Variants in TUSC3 observed in about 807,000 individuals in gnomAD.
TUSC3 encodes the protein tumor suppressor candidate 3, also known as dolichyl-diphosphooligosaccharide--protein glycosyltransferase subunit TUSC3.
TUSC3 carries 45 observed loss-of-function variants against 44.8 expected under a neutral mutation model. That is an observed-to-expected ratio of 1.00 (90% CI 0.79 to 1.29). The LOEUF is 1.29. Ranked by LOEUF, TUSC3 falls within the 50% of genes most tolerant of loss-of-function variation. The pLI is 0.00. For missense variants in TUSC3, 519 were observed against 437.9 expected (o/e 1.19, Z -1.65); for synonymous variants, 212 against 152.9 (o/e 1.39, Z -2.85).
intron 2 of TUSC3, among the ~76,000 whole-genome samples, chr8:15,498,336 G>A (rs2129126619): frequency 6.6e-6 from 1 of 152,294 alleles, no homozygotes; most frequent in African/African-American, 2.4e-5. Flanking sequence ...CAGCGATGTA[G>A]GAAGCAAGTG....
In TUSC3 at chr8:15,581,311, C is replaced by G. The variant is rs970498710; in HGVS notation, c.138+40743C>G. ...ATTTGATCGTCTGAAGCCTTCTTCT[C>G]TCAGCTCGTCAAAGTCATTCTCCAT... is the stretch of plus-strand genomic sequence containing the variant. On this transcript the variant is annotated intron_variant, in intron 1 of 10. Coordinates refer to ENST00000503731, the MANE Select transcript of TUSC3 (RefSeq NM_006765.4). Among the ~76,000 whole-genome samples, 141 of 148,920 alleles carry G rather than the reference C, an allele frequency of 9.5e-4. 3 individuals are homozygous for G. Among genetic ancestry groups the G allele is most frequent in the African/African-American group, 3.5e-3 (136 of 39,286 alleles).
intron 1 of TUSC3, among the ~76,000 whole-genome samples, chr8:15,558,864 A>T (rs1392410143): frequency 6.6e-6 from 1 of 150,734 alleles, no homozygotes; most frequent in African/African-American, 2.4e-5. Flanking sequence ...CCCCTTTATC[A>T]TTTTTTATTG....
intron 1 of TUSC3, among the ~76,000 whole-genome samples, chr8:15,472,192 C>T (rs1259177106): frequency 1.3e-5 from 2 of 152,138 alleles, no homozygotes; most frequent in Non-Finnish European, 2.9e-5. Flanking sequence ...AAGTAAAATA[C>T]AAGTCTTAAC....
intron 7 of TUSC3, among the ~76,000 whole-genome samples, chr8:15,737,226 C>T (rs900957640): frequency 6.6e-6 from 1 of 151,944 alleles, no homozygotes; most frequent in Non-Finnish European, 1.5e-5. Context: ...ATTTAGAATT[C>T]TTTAAGTAAG....
chr8:15,527,891 TTTTTAATG>T (rs1189854477), intron 2 of TUSC3, among the ~76,000 whole-genome samples: 1 of 152,236 alleles, frequency 6.6e-6, no homozygotes, highest in African/African-American at 2.4e-5. Context: ...TTATATACAC[TTTTTAATG>T]AGTAAAACAA....
intron 2 of TUSC3, among the ~76,000 whole-genome samples, chr8:15,637,610 T>C (rs1171462014): frequency 6.6e-6 from 1 of 152,210 alleles, no homozygotes; most frequent in African/African-American, 2.4e-5. Flanking sequence ...TTTATTTTTG[T>C]AGTAGCCTTG....
At chr8:15,431,892 T>A (rs1453054492) in intron 1 of TUSC3, among the ~76,000 whole-genome samples, 2 of 59,238 alleles carry the variant, frequency 3.4e-5, no homozygotes, top group Admixed American at 6.6e-4. Context: ...TTTGTTCAAA[T>A]GCCATTTCTG....
At chr8:15,721,228 G>C (rs1473421364) in intron 6 of TUSC3, among the ~76,000 whole-genome samples, 2 of 151,942 alleles carry the variant, frequency 1.3e-5, no homozygotes, top group Non-Finnish European at 2.9e-5. Flanking sequence ...CAATTTATTA[G>C]CAAATCTGGA....
At chr8:15,446,906 AAAAC>A (rs1178735781) in intron 1 of TUSC3, among the ~76,000 whole-genome samples, 2 of 38,452 alleles carry the variant, frequency 5.2e-5, no homozygotes, top group African/African-American at 8.4e-5. Flanking sequence ...AACAGAAAAA[AAAAC>A]AAAGGAGGTA....
intron 2 of TUSC3, among the ~76,000 whole-genome samples, chr8:15,500,584 A>T (rs1485608611): frequency 6.6e-6 from 1 of 152,206 alleles, no homozygotes; most frequent in African/African-American, 2.4e-5. Flanking sequence ...TAGCTTTTAA[A>T]AATATTGAAA....
chr8:15,673,231 C>A (rs570429691), intron 5 of TUSC3, among the ~76,000 whole-genome samples: 2 of 152,156 alleles, frequency 1.3e-5, no homozygotes, highest in Non-Finnish European at 2.9e-5. Flanking sequence ...TTTCTTCCAT[C>A]TCTAAACATC....
chr8:15,536,206 T>G (rs1801519511), upstream of TUSC3, among the ~76,000 whole-genome samples: 1 of 152,288 alleles, frequency 6.6e-6, no homozygotes, highest in South Asian at 2.1e-4. Flanking sequence ...CAGCTAGCCT[T>G]GCTGGAGCAG....
chr8:15,545,674 C>T (rs1801839481), intron 1 of TUSC3, among the ~76,000 whole-genome samples: 1 of 151,618 alleles, frequency 6.6e-6, no homozygotes, highest in Non-Finnish European at 1.5e-5. Context: ...TGTTTAGTCC[C>T]ATATATGTGC....
chr8:15,437,288 G>A (rs991661738), intron 1 of TUSC3, among the ~76,000 whole-genome samples: 6 of 152,112 alleles, frequency 3.9e-5, no homozygotes, highest in Non-Finnish European at 8.8e-5. Context: ...TCAGATAAAA[G>A]CAAAAGGGGT....
intron 1 of TUSC3, among the ~76,000 whole-genome samples, chr8:15,619,525 T>C (rs531007192): frequency 6.6e-6 from 1 of 152,156 alleles, no homozygotes; most frequent in Admixed American, 6.5e-5. Context: ...GAAGTCTGTC[T>C]CTGTCGCCCA....
chr8:15,571,619 T>C (rs1371952043), intron 1 of TUSC3, among the ~76,000 whole-genome samples: 2 of 152,164 alleles, frequency 1.3e-5, no homozygotes, highest in Admixed American at 6.5e-5. Flanking sequence ...TGGGAGCAGC[T>C]GGCAACTTCT....
At chr8:15,627,144 C>G (rs1016175020) in intron 2 of TUSC3, among the ~76,000 whole-genome samples, 1 of 152,200 alleles carries the variant, frequency 6.6e-6, no homozygotes, top group African/African-American at 2.4e-5. Flanking sequence ...AAAGAGATGG[C>G]TAGCTGCAGA....
the TUSC3 span, among the ~76,000 whole-genome samples, chr8:15,792,417 G>T: frequency 6.6e-6 from 1 of 152,120 alleles, no homozygotes; most frequent in Non-Finnish European, 1.5e-5. Context: ...TCATTTTTGA[G>T]ATACAAACAG....
intron 1 of TUSC3, among the ~76,000 whole-genome samples, chr8:15,575,486 C>T (rs1803062428): frequency 6.6e-6 from 1 of 152,120 alleles, no homozygotes. Context: ...CTTCTGAGGG[C>T]TGGGTATGGT....
Sources: gnomAD v4.1 joint callset for allele counts (sites outside exome capture counted in the v4.1 genomes callset) on GRCh38, gnomAD v4.1.1 for gene constraint, MANE v1.5 for transcripts, NCBI Gene and HGNC (gene_info 2026-07-23, HGNC 2026-07-21) for gene names.